Variants in MAP2K5 observed in about 807,000 individuals in gnomAD.
MAP2K5 encodes the protein dual specificity mitogen-activated protein kinase kinase 5.
In MAP2K5, 49 loss-of-function variants were observed where a neutral mutation model predicts 83.1. The observed-to-expected ratio is 0.59, with a 90% confidence interval of 0.47 to 0.75. The LOEUF (loss-of-function observed/expected upper bound fraction) is 0.75. Ranked by LOEUF, MAP2K5 falls within the 30% of genes least tolerant of loss-of-function variation. The pLI is 0.00. For synonymous variants in MAP2K5, 202 were observed against 191.8 expected (o/e 1.05, Z -0.44); for missense variants, 457 against 557.5 (o/e 0.82, Z 1.82).
At chr15:67,788,252 T>G (rs2090452505) in intron 21 of MAP2K5, among the ~76,000 whole-genome samples, 1 of 152,146 alleles carries the variant, frequency 6.6e-6, no homozygotes, top group Non-Finnish European at 1.5e-5. Flanking sequence ...CTTCTCCCCT[T>G]TTTTTTATAT....
chr15:67,800,989 T>C (rs750935928), intron 21 of MAP2K5, among the ~76,000 whole-genome samples: 1 of 152,210 alleles, frequency 6.6e-6, no homozygotes, highest in African/African-American at 2.4e-5. Flanking sequence ...GTGTATGTTA[T>C]TTTTTTAAAT....
intron 20 of MAP2K5, among the ~76,000 whole-genome samples, chr15:67,772,344 GT>G (rs1229285509): frequency 5.3e-5 from 8 of 152,064 alleles, no homozygotes; most frequent in African/African-American, 1.9e-4. Context: ...CTAAATATAA[GT>G]TTGAAATAAA....
intron 6 of MAP2K5, among the ~76,000 whole-genome samples, chr15:67,590,698 C>CCTT (rs1324864479): frequency 6.6e-6 from 1 of 152,096 alleles, no homozygotes; most frequent in Non-Finnish European, 1.5e-5. Flanking sequence ...AAGCGATCCT[C>CCTT]CTTCCTTGGC....
intron 13 of MAP2K5, among the ~76,000 whole-genome samples, chr15:67,679,206 A>G (rs911016499): frequency 6.6e-6 from 1 of 152,118 alleles, no homozygotes. Flanking sequence ...GGGAAAGCAC[A>G]TGCTCTTGAG....
intron 9 of MAP2K5, among the ~76,000 whole-genome samples, 160 bp downstream of exon 9, chr15:67,631,087 A>C (rs1245069708): frequency 6.6e-6 from 1 of 152,190 alleles, no homozygotes; most frequent in Non-Finnish European, 1.5e-5. Context: ...CAGACACCTG[A>C]AGATCTTTTA....
Position 67,646,438 on chromosome 15 carries a change from C to T in MAP2K5, c.705C>T (p.Asn235=), listed in dbSNP as rs1263437280. ...TTTATGGAGCATTTTTTGTAGAAAA[C>T]AGGATTTCAATATGTACAGAATTCA... The part of the protein sequence containing the change: ...IGFYGAFFVE[N]RISICTEFMD... Residue 235 remains asparagine (N), a synonymous_variant, in exon 11 of 22, where the codon AAC becomes AAT. Transcript: ENST00000178640. 6.3e-7 allele frequency: 1 copy of T among 1,599,888 alleles called. No homozygotes were observed. Among genetic ancestry groups the T allele is most frequent in the African/African-American group, 1.3e-5 (1 of 74,586 alleles).
intron 16 of MAP2K5, among the ~76,000 whole-genome samples, chr15:67,713,715 G>A (rs971116878): frequency 2.6e-5 from 4 of 151,346 alleles, no homozygotes; most frequent in African/African-American, 7.3e-5. Flanking sequence ...CAGCCTGGGT[G>A]ACAGAGTGAG....
At chr15:67,733,521 C>T (rs1206983362) in intron 17 of MAP2K5, among the ~76,000 whole-genome samples, 2 of 151,992 alleles carry the variant, frequency 1.3e-5, no homozygotes, top group African/African-American at 4.8e-5. Context: ...AAAAAAAATA[C>T]CATCATCTGG....
intron 2 of MAP2K5, among the ~76,000 whole-genome samples, chr15:67,551,816 A>G (rs1197560518): frequency 6.6e-6 from 1 of 152,212 alleles, no homozygotes; most frequent in Non-Finnish European, 1.5e-5. Context: ...ATAAATTACT[A>G]TTTGTCTATA....
At chr15:67,784,096 A>G (rs2090374696) in intron 21 of MAP2K5, among the ~76,000 whole-genome samples, 2 of 152,228 alleles carry the variant, frequency 1.3e-5, no homozygotes, top group African/African-American at 4.8e-5. Context: ...CATTTTAAAC[A>G]CTTAAGTTAG....
chr15:67,673,567 A>T (rs1043211910), intron 13 of MAP2K5, among the ~76,000 whole-genome samples: 2 of 152,174 alleles, frequency 1.3e-5, no homozygotes, highest in Admixed American at 1.3e-4. Flanking sequence ...ATAGTATGTT[A>T]GTGTGTGTAA....
In MAP2K5 at chr15:67,755,344, A is replaced by G. The variant is rs2089813579; in HGVS notation, c.1134+6743A>G. Among the ~76,000 whole-genome samples, 4 of 152,012 alleles carry G rather than the reference A, an allele frequency of 2.6e-5. No homozygotes were observed. The South Asian group carries it at 6.2e-4, about 24-fold the overall frequency. On this transcript the variant is annotated intron_variant, in intron 19 of 21. Transcript: ENST00000178640. The surrounding 1 kb of genome is among the most constrained non-coding windows in gnomAD (Gnocchi z 4.7). ...CCCTTATTTTTCTCCTCCCTTTCCC[A>G]GTCCTCCATTTTCTCATCCCCCTTT...
intron 17 of MAP2K5, among the ~76,000 whole-genome samples, chr15:67,729,979 G>A (rs1299964756): frequency 1.3e-5 from 2 of 152,188 alleles, no homozygotes; most frequent in African/African-American, 4.8e-5. Flanking sequence ...AGTTGGGGCG[G>A]GAAACAACTG....
At position 67,573,310 on chromosome 15, in the gene MAP2K5, G is replaced by T. The variant is rs544858026; in HGVS notation, c.253-7444G>T. Among the ~76,000 whole-genome samples, 1 of 152,252 alleles carries T rather than the reference G, an allele frequency of 6.6e-6. No individual in the cohort carries two copies. Among genetic ancestry groups the T allele is most frequent in the East Asian group, 1.9e-4 (1 of 5,180 alleles). On this transcript the variant is annotated intron_variant, in intron 3 of 21. Coordinates refer to ENST00000178640, the MANE Select transcript of MAP2K5 (RefSeq NM_145160.3). This position sits in a 1 kb window ranked among gnomAD's most constrained non-coding sequence, Gnocchi z 4.2. ...TTAATTGACACAGTTCTGCATGGCT[G>T]GGGAGGCCTCAGGAAACTTATAATC...
chr15:67,671,045 T>C (rs539487845), intron 13 of MAP2K5, among the ~76,000 whole-genome samples: 1 of 152,246 alleles, frequency 6.6e-6, no homozygotes, highest in Non-Finnish European at 1.5e-5. Context: ...ACTGCCTCAC[T>C]GGGTGACCCC....
intron 19 of MAP2K5, among the ~76,000 whole-genome samples, chr15:67,752,770 C>G (rs986365956): frequency 7.2e-5 from 11 of 151,726 alleles, no homozygotes; most frequent in African/African-American, 2.4e-4. Flanking sequence ...GAAATACTCT[C>G]AAAATTGATC....
intron 17 of MAP2K5, among the ~76,000 whole-genome samples, chr15:67,744,388 A>G (rs2089558880): frequency 1.3e-5 from 2 of 152,254 alleles, no homozygotes; most frequent in African/African-American, 2.4e-5. Flanking sequence ...TCTTCTTTCT[A>G]TTTAAGAGAA....
At chr15:67,654,932 G>C (rs2087033442) in intron 11 of MAP2K5, among the ~76,000 whole-genome samples, 1 of 151,940 alleles carries the variant, frequency 6.6e-6, no homozygotes, top group South Asian at 2.1e-4. Context: ...GGACTCAGTG[G>C]TGCATGCCTG....
chr15:67,683,152 A>C (rs1211984170), intron 13 of MAP2K5, among the ~76,000 whole-genome samples: 1 of 152,102 alleles, frequency 6.6e-6, no homozygotes, highest in Non-Finnish European at 1.5e-5. Context: ...CAAAAAAAAA[A>C]AGTTGTAGAA....
Sources: allele counts gnomAD v4.1 joint callset (sites outside exome capture counted in the v4.1 genomes callset), GRCh38; gene constraint gnomAD v4.1.1; non-coding constraint Gnocchi (gnomAD v3.1); transcripts MANE v1.5; gene names NCBI Gene and HGNC (gene_info 2026-07-23, HGNC 2026-07-21).